The following CPT1A variants were observed in gnomAD, a reference collection of about 807,000 sequenced individuals.
CPT1A encodes carnitine O-palmitoyltransferase 1, liver isoform.
CPT1A carries 64 observed loss-of-function variants against 100.8 expected under a neutral mutation model. The ratio of observed to expected loss-of-function variants is 0.63; its 90% CI spans 0.52 to 0.78. CPT1A has a LOEUF of 0.78. CPT1A is among the 30% of genes least tolerant of loss of function. CPT1A has a pLI of 0.00. For synonymous variants in CPT1A, 363 were observed against 396.0 expected (o/e 0.92, Z 0.99); for missense variants, 802 against 1,034.1 (o/e 0.78, Z 3.08).
rs2038873251 is a variant in CPT1A at position 68,803,949 on chromosome 11, C to CT, written c.555+50dup. ...AGTTCATCATAATTAAGACCTAAGC[C>CT]TTAATCCACAGATGGCTGGCATTTC... On this transcript the variant is annotated intron_variant, in intron 5 of 18. Coordinates refer to ENST00000265641, the MANE Select transcript of CPT1A (RefSeq NM_001876.4). The CT allele has an allele frequency of 2.0e-5, 28 of 1,421,638 alleles. No homozygotes were observed. In the East Asian group the frequency reaches 6.4e-4, roughly 32 times the overall value. 88.1% of individuals were successfully genotyped at this position (1,421,638 alleles called of 1,614,324 possible).
rs1857146443 is a variant in CPT1A, at chr11:68,841,006, G to C, written c.-14+769C>G. ...GCGCTCCCAAGCAGGCACTGGGCCCGGCACCCTCATCCTGCTCACGGCAGC... is the reference window on the plus strand; with the variant it reads ...GCGCTCCCAAGCAGGCACTGGGCCCCGCACCCTCATCCTGCTCACGGCAGC... On this transcript the variant is annotated intron_variant, in intron 1 of 18. Transcript: ENST00000265641. This position sits in a 1 kb window ranked among gnomAD's most constrained non-coding sequence, Gnocchi z 6.3. 6.6e-6 allele frequency among the ~76,000 whole-genome samples: 1 copy of C among 152,230 alleles called. No individual in the cohort carries two copies. Among genetic ancestry groups the C allele is most frequent in the Non-Finnish European group, 1.5e-5 (1 of 68,032 alleles).
intron 1 of CPT1A, among the ~76,000 whole-genome samples, chr11:68,831,272 CTCCTGCACCCCCAG>C (rs1274855965): frequency 6.6e-6 from 1 of 152,192 alleles, no homozygotes; most frequent in Non-Finnish European, 1.5e-5. Context: ...AACCTCCCCA[CTCCTGCACCCCCAG>C]TCCTGCAGAG....
At chr11:68,814,329 CAG>C (rs1455960380) in intron 2 of CPT1A, among the ~76,000 whole-genome samples, 4 of 152,020 alleles carry the variant, frequency 2.6e-5, no homozygotes, top group African/African-American at 9.7e-5. Context: ...TTTTTTGAGA[CAG>C]AGTCTCGCTC....
intron 14 of CPT1A, among the ~76,000 whole-genome samples, chr11:68,767,553 G>A (rs1036942085): frequency 2.6e-5 from 4 of 152,158 alleles, no homozygotes; most frequent in African/African-American, 9.7e-5. Flanking sequence ...TTGTGCTACT[G>A]CATTCCAGCC....
chr11:68,824,121 G>A (rs1331224109), intron 1 of CPT1A, among the ~76,000 whole-genome samples: 2 of 151,746 alleles, frequency 1.3e-5, no homozygotes, highest in East Asian at 2.0e-4. Context: ...GGTGGCAGAC[G>A]CCTGTAATCC....
intron 1 of CPT1A, among the ~76,000 whole-genome samples, chr11:68,818,010 G>GT (rs1468230608): frequency 4.6e-5 from 7 of 152,230 alleles, no homozygotes; most frequent in African/African-American, 1.4e-4. Flanking sequence ...AAGCATCCAA[G>GT]GGCCCAGAGA....
intron 14 of CPT1A, among the ~76,000 whole-genome samples, chr11:68,764,971 C>A (rs1854750812): frequency 6.6e-6 from 1 of 152,168 alleles, no homozygotes. Context: ...ATGCCACCAA[C>A]CCTGGTGGCA....
At chr11:68,796,451 G>A (rs1348384550) in intron 7 of CPT1A, among the ~76,000 whole-genome samples, 1 of 152,188 alleles carries the variant, frequency 6.6e-6, no homozygotes, top group Admixed American at 6.5e-5. Flanking sequence ...AGCTACTTTG[G>A]AGGCTGAGGC....
chr11:68,799,749 C>A (rs1243287772), intron 5 of CPT1A, among the ~76,000 whole-genome samples: 1 of 151,022 alleles, frequency 6.6e-6, no homozygotes, highest in Non-Finnish European at 1.5e-5. Flanking sequence ...GAGTGAGACC[C>A]TATCTCAAAA....
chr11:68,794,702 T>C, intron 8 of CPT1A, 102 bp downstream of exon 8: 1 of 1,042,762 alleles, frequency 9.6e-7, no homozygotes, highest in Non-Finnish European at 1.5e-6. Flanking sequence ...TGAGACCCTG[T>C]GCCCGGCCAC....
chr11:68,784,686 A>G lies in CPT1A; in HGVS notation c.1163+129T>C, dbSNP rs983222867. The G allele has an allele frequency of 3.4e-6, 3 of 886,898 alleles. No homozygotes were observed. In the Admixed American group the frequency reaches 6.9e-5, roughly 21 times the overall value. The allele number at this position is 886,898 out of a possible 1,614,324, so 54.9% of individuals were successfully genotyped here. On this transcript the variant is annotated intron_variant, in intron 10 of 18. Transcript: ENST00000265641. The stretch of plus-strand genomic sequence containing the variant: ...GAGACCTGCCAAGCCGGGAGACCCC[A>G]GAGAAAAACAGAGCCGAGGTGGGGA...
At chr11:68,844,258 T>C (rs1226017909), upstream of CPT1A, 4 of 152,202 alleles carry the variant, frequency 2.6e-5, no homozygotes, top group African/African-American at 9.6e-5. Flanking sequence ...GCAGCTCTCC[T>C]GCCCGGGTCT....
chr11:68,834,516 C>A (rs530558533), intron 1 of CPT1A, among the ~76,000 whole-genome samples: 5 of 152,068 alleles, frequency 3.3e-5, no homozygotes, highest in Non-Finnish European at 7.4e-5. Context: ...CTTTGGCAGG[C>A]GAAGGCAGGA....
chr11:68,793,419 T>C lies in CPT1A; in HGVS notation c.880-17A>G, dbSNP rs1423496190. On this transcript the variant is annotated splice_polypyrimidine_tract_variant and intron_variant, in intron 8 of 18. Coordinates refer to ENST00000265641, the MANE Select transcript of CPT1A (RefSeq NM_001876.4). ...AAGACGAATCTGTAACAAAAATATA[T>C]TTCAAACCAACAACGAAAATCCCAC... 9.4e-6 allele frequency: 15 copies of C among 1,596,258 alleles called. No individual in the cohort carries two copies. Among genetic ancestry groups the C allele is most frequent in the Non-Finnish European group, 1.3e-5 (15 of 1,168,696 alleles).
At chr11:68,816,898 G>A (rs1856417928) in intron 1 of CPT1A, among the ~76,000 whole-genome samples, 1 of 92,280 alleles carries the variant, frequency 1.1e-5, no homozygotes, top group South Asian at 4.6e-4. Context: ...TGTGTGGTGT[G>A]TGTGGGTGTG....
intron 14 of CPT1A, among the ~76,000 whole-genome samples, chr11:68,769,267 C>T (rs1854915095): frequency 6.6e-6 from 1 of 152,138 alleles, no homozygotes; most frequent in Non-Finnish European, 1.5e-5. Context: ...AAGATAGGGT[C>T]TCACTGTCAT....
chr11:68,759,673 G>C lies in CPT1A; in HGVS notation c.2143-12C>G, dbSNP rs1395091235. The C allele has an allele frequency of 3.8e-6, 6 of 1,592,936 alleles. No individual in the cohort carries two copies. Among genetic ancestry groups the C allele is most frequent in the Non-Finnish European group, 5.2e-6 (6 of 1,160,818 alleles). ...CCGTCATCAGCAACCTGGAGGACAA[G>C]GGAATTTGAATTTGTTGCTGGGAAA... On this transcript the variant is annotated splice_polypyrimidine_tract_variant and intron_variant, in intron 17 of 18. Transcript: ENST00000265641.
intron 16 of CPT1A, 65 bp from the exon 17 acceptor site, chr11:68,760,403 G>C (rs1946782612): frequency 1.5e-6 from 2 of 1,293,620 alleles, no homozygotes; most frequent in South Asian, 2.5e-5. Context: ...GAGTCGCTTT[G>C]GGAAGACGAG....
At position 68,799,298 on chromosome 11, in the gene CPT1A, G is replaced by A. The variant is rs750451063; in HGVS notation, c.613C>T (p.Leu205Phe). 1 of 1,613,948 alleles carries A rather than the reference G, an allele frequency of 6.2e-7. No homozygotes were observed. Among genetic ancestry groups the A allele is most frequent in the Admixed American group, 1.7e-5 (1 of 60,008 alleles). The change falls in exon 6 of 19, where the codon CTT becomes TTT. Residue 205 changes from leucine to phenylalanine, a missense_variant. Physicochemically the swap from Leu to Phe is conservative, Grantham distance 22. This residue lies in a region of CPT1A where 627 missense variants were observed against 799.3 expected (regional missense o/e 0.78). Coordinates refer to ENST00000265641, the MANE Select transcript of CPT1A (RefSeq NM_001876.4). ...KEEDFKRMTA[L>F]AQDFAVGLGP... is the part of the protein sequence containing the mutation. The stretch of plus-strand genomic sequence containing the variant: ...AGACCGACAGCAAAATCTTGAGCAA[G>A]TGCTGTCATCCGTTTGAAGTCTTCT...
Sources: gnomAD v4.1 joint callset for allele counts (sites outside exome capture counted in the v4.1 genomes callset) on GRCh38, gnomAD v4.1.1 for gene constraint, gnomAD v4.1.1 regional missense constraint, Gnocchi (gnomAD v3.1) non-coding constraint, MANE v1.5 for transcripts, NCBI Gene and HGNC (gene_info 2026-07-23, HGNC 2026-07-21) for gene names.